Variants in MED9 observed in about 807,000 individuals in gnomAD.
MED9 encodes mediator complex subunit 9.
Under a neutral mutation model 13.2 loss-of-function variants are expected in MED9, and 8 were observed. The ratio of observed to expected loss-of-function variants is 0.61; its 90% CI spans 0.36 to 1.10. The LOEUF is 1.10. MED9 is among the 50% of genes least tolerant of loss of function. MED9 has a pLI of 0.02. For missense variants in MED9, 180 were observed against 193.4 expected (o/e 0.93, Z 0.41); for synonymous variants, 87 against 82.8 (o/e 1.05, Z -0.28).
rs1905113292 is a variant in MED9, at chr17:17,485,552, G to A, written c.225-5727G>A. 4 of 382,974 alleles carry A rather than the reference G, an allele frequency of 1.0e-5. No individual in the cohort carries two copies. In the Admixed American group the frequency reaches 1.8e-4, roughly 17 times the overall value. The allele number at this position is 382,974 out of a possible 1,614,324, so 23.7% of individuals were successfully genotyped here. ...CTGGCAGGATGGTGGCTGGAAGAAGGGGGCACACAGGTGCAAGCCTGGGGG... is the reference window on the plus strand; with the variant it reads ...CTGGCAGGATGGTGGCTGGAAGAAGAGGGCACACAGGTGCAAGCCTGGGGG... On this transcript the variant is annotated intron_variant, in intron 1 of 1. Coordinates refer to ENST00000268711, the MANE Select transcript of MED9 (RefSeq NM_018019.3).
chr17:17,485,269 AC>A, intron 1 of MED9: 1 of 398,312 alleles, frequency 2.5e-6, no homozygotes, highest in Non-Finnish European at 4.4e-6. Flanking sequence ...TTGTAAAAAT[AC>A]AAAAAAAAAT....
chr17:17,482,496 T>C (rs780662465), intron 1 of MED9, among the ~76,000 whole-genome samples: 52 of 152,370 alleles, frequency 3.4e-4, no homozygotes, highest in Non-Finnish European at 3.5e-4. Context: ...GATTTTTTTA[T>C]GTACAGAAAG....
At position 17,477,013 on chromosome 17, in the gene MED9, C is replaced by T. The variant is rs183791895; in HGVS notation, c.-29C>T. On this transcript the variant is annotated 5_prime_UTR_variant, in exon 1 of 2. Coordinates refer to ENST00000268711, the MANE Select transcript of MED9 (RefSeq NM_018019.3). The stretch of plus-strand genomic sequence containing the variant: ...AGAGTGCGCGACGCTTTTGGCGACC[C>T]GACCTCTGGCTAACCTACCCCCGGA... The T allele has an allele frequency of 2.4e-4, 381 of 1,601,914 alleles. 8 individuals carry two copies. The East Asian group carries it at 8.3e-3, about 35-fold the overall frequency.
intron 1 of MED9, among the ~76,000 whole-genome samples, chr17:17,478,868 A>G (rs1323961562): frequency 6.6e-6 from 1 of 152,146 alleles, no homozygotes; most frequent in African/African-American, 2.4e-5. Flanking sequence ...AAAAAAAAAA[A>G]AAAAGTAATG....
chr17:17,479,185 A>G (rs1033406466), intron 1 of MED9, among the ~76,000 whole-genome samples: 2 of 152,212 alleles, frequency 1.3e-5, no homozygotes, highest in Non-Finnish European at 2.9e-5. Flanking sequence ...TTGAAGTTAG[A>G]CAGCCCTGTG....
Position 17,483,450 on chromosome 17 carries a change from G to C in MED9, c.224+6185G>C. Among the ~76,000 whole-genome samples the C allele has an allele frequency of 6.6e-6, 1 of 152,114 alleles. No individual in the cohort carries two copies. Among genetic ancestry groups the C allele is most frequent in the East Asian group, 1.9e-4 (1 of 5,176 alleles). ...ACCCTCCAGCCCCTCCACTAGAAGT[G>C]CCCACAGAAATGCTGCACAGAGCCC... On this transcript the variant is annotated intron_variant, in intron 1 of 1. Transcript: ENST00000268711. The surrounding 1 kb of genome is among the most constrained non-coding windows in gnomAD (Gnocchi z 4.2).
chr17:17,492,611 T>G lies in MED9; in HGVS notation c.*1116T>G, dbSNP rs1489124676. ...GATGGGACGTTTTATTTGTGTGCTC[T>G]CCCTTGACTGTCAGATTGAAGTAAG... On this transcript the variant is annotated 3_prime_UTR_variant, in exon 2 of 2. Coordinates refer to ENST00000268711, the MANE Select transcript of MED9 (RefSeq NM_018019.3). 6.6e-6 allele frequency: 1 copy of G among 152,250 alleles called. No individual in the cohort carries two copies. Among genetic ancestry groups the G allele is most frequent in the Non-Finnish European group, 1.5e-5 (1 of 68,052 alleles). 9.4% of individuals were successfully genotyped at this position (152,250 alleles called of 1,614,324 possible).
rs754028893 is a variant in MED9 at position 17,491,639 on chromosome 17, C to G, written c.*144C>G. 5.4e-5 allele frequency: 43 copies of G among 794,478 alleles called. No individual in the cohort carries two copies. The highest frequency in any genetic ancestry group is 7.0e-5 in the Non-Finnish European group (35 of 502,102). The allele number at this position is 794,478 out of a possible 1,614,324, so 49.2% of individuals were successfully genotyped here. ...GGGGCGGGGCTCCTGTGCTGCTGCG[C>G]GCGCTTCGCCTGTGCGGGAGCCAGC... On this transcript the variant is annotated 3_prime_UTR_variant, in exon 2 of 2. Transcript: ENST00000268711.
intron 1 of MED9, chr17:17,486,098 A>T (rs1020606901): frequency 2.6e-5 from 4 of 152,336 alleles, no homozygotes; most frequent in African/African-American, 7.2e-5. Context: ...TCTGTCAAAA[A>T]TTTAAATATA....
intron 1 of MED9, among the ~76,000 whole-genome samples, chr17:17,480,564 G>A (rs968838747): frequency 1.3e-5 from 2 of 152,214 alleles, no homozygotes; most frequent in African/African-American, 4.8e-5. Flanking sequence ...GCTGAGATGG[G>A]AGGATAGCTT....
rs772682544 is a variant in MED9, at chr17:17,477,015, AC to A, written c.-25del. On this transcript the variant is annotated 5_prime_UTR_variant, in exon 1 of 2. Coordinates refer to ENST00000268711, the MANE Select transcript of MED9 (RefSeq NM_018019.3). Reference sequence around the variant, plus strand: ...AGTGCGCGACGCTTTTGGCGACCCGACCTCTGGCTAACCTACCCCCGGAGCC... The same window carrying A: ...AGTGCGCGACGCTTTTGGCGACCCGACTCTGGCTAACCTACCCCCGGAGCC... 1.4e-5 allele frequency: 23 copies of A among 1,601,938 alleles called. No homozygotes were observed. In the African/African-American group the frequency reaches 2.5e-4, roughly 18 times the overall value.
intron 1 of MED9, among the ~76,000 whole-genome samples, chr17:17,482,272 A>G (rs1043049766): frequency 6.6e-6 from 1 of 152,158 alleles, no homozygotes; most frequent in African/African-American, 2.4e-5. Context: ...TGTTTGGGTC[A>G]CTATGAGCAA....
chr17:17,482,106 G>A (rs879757373), intron 1 of MED9, among the ~76,000 whole-genome samples: 4 of 152,106 alleles, frequency 2.6e-5, no homozygotes, highest in Non-Finnish European at 4.4e-5. Flanking sequence ...ACGTGCTGTC[G>A]TTTATGTAAA....
Position 17,479,179 on chromosome 17 carries a change from A to G in MED9, c.224+1914A>G, listed in dbSNP as rs1316455464. ...TTATACTAGAGAGAACAGGCTTTGA[A>G]GTTAGACAGCCCTGTGTTCAAATCT... is the stretch of plus-strand genomic sequence containing the variant. On this transcript the variant is annotated intron_variant, in intron 1 of 1. Coordinates refer to ENST00000268711, the MANE Select transcript of MED9 (RefSeq NM_018019.3). 2.6e-5 allele frequency among the ~76,000 whole-genome samples: 4 copies of G among 152,344 alleles called. No individual in the cohort carries two copies. The South Asian group carries it at 8.3e-4, about 32-fold the overall frequency.
rs1436988164 is a variant in MED9, at chr17:17,477,001, C to T, written c.-41C>T. The T allele has an allele frequency of 6.2e-7, 1 of 1,600,302 alleles. No individual in the cohort carries two copies. The highest frequency in any genetic ancestry group is 8.5e-7 in the Non-Finnish European group (1 of 1,179,264). ...GTGGTGACGTGTAGAGTGCGCGACG[C>T]TTTTGGCGACCCGACCTCTGGCTAA... On this transcript the variant is annotated 5_prime_UTR_variant, in exon 1 of 2. Transcript: ENST00000268711.
rs1905233884 is a variant in MED9, at chr17:17,491,702, C to G, written c.*207C>G. 3 of 581,846 alleles carry G rather than the reference C, an allele frequency of 5.2e-6. No individual in the cohort carries two copies. Among genetic ancestry groups the G allele is most frequent in the South Asian group, 4.0e-5 (2 of 49,882 alleles). 36.0% of individuals were successfully genotyped at this position (581,846 alleles called of 1,614,324 possible). On this transcript the variant is annotated 3_prime_UTR_variant, in exon 2 of 2. Transcript: ENST00000268711. ...TGCGCCGGGGGTTCCTCGTGTAGAT[C>G]CATATGTCTAGATGCATAATAACTG... is the stretch of plus-strand genomic sequence containing the variant.
chr17:17,488,827 G>A (rs969540730), intron 1 of MED9, among the ~76,000 whole-genome samples: 3 of 149,128 alleles, frequency 2.0e-5, no homozygotes, highest in East Asian at 3.9e-4. Flanking sequence ...GTAAAACTCT[G>A]TCTCAAAAAA....
At chr17:17,480,668 AAG>A (rs938756876) in intron 1 of MED9, among the ~76,000 whole-genome samples, 2 of 152,166 alleles carry the variant, frequency 1.3e-5, no homozygotes, top group Non-Finnish European at 2.9e-5. Flanking sequence ...GAAAGAAAGA[AAG>A]AGAGGAGACA....
At chr17:17,489,397 A>G (rs1161825676) in intron 1 of MED9, among the ~76,000 whole-genome samples, 3 of 152,258 alleles carry the variant, frequency 2.0e-5, no homozygotes, top group Admixed American at 1.3e-4. Flanking sequence ...GTTTGCTTCA[A>G]GAATGGGATT....
Sources: allele counts gnomAD v4.1 joint callset (sites outside exome capture counted in the v4.1 genomes callset), GRCh38; gene constraint gnomAD v4.1.1; non-coding constraint Gnocchi (gnomAD v3.1); transcripts MANE v1.5; gene names NCBI Gene and HGNC (gene_info 2026-07-23, HGNC 2026-07-21).